ZFHX4: variants seen among roughly 807,000 people sequenced by gnomAD.
ZFHX4 encodes the protein zinc finger homeobox protein 4.
A neutral mutation model predicts 267.6 loss-of-function variants in ZFHX4; 56 were observed. The observed-to-expected ratio is 0.21, with a 90% CI of 0.17 to 0.26. The LOEUF is 0.26. Ranked by LOEUF, ZFHX4 falls within the 10% of genes least tolerant of loss-of-function variation. The pLI, the probability that ZFHX4 is intolerant of heterozygous loss-of-function variation, is 1.00. For missense variants in ZFHX4, 4,332 were observed against 4,420.0 expected (o/e 0.98, Z 0.56); for synonymous variants, 1,778 against 1,665.6 (o/e 1.07, Z -1.64).
Position 76,853,135 on chromosome 8 carries a change from T to A in ZFHX4, c.6214T>A (p.Ser2072Thr), listed in dbSNP as rs755841230. 1.6e-5 allele frequency: 24 copies of A among 1,505,092 alleles called. No individual in the cohort carries two copies. The highest frequency in any genetic ancestry group is 2.1e-5 in the Non-Finnish European group (23 of 1,121,792). The allele number at this position is 1,505,092 out of a possible 1,614,324, so 93.2% of individuals were successfully genotyped here. A position where few individuals can be genotyped will look rare whatever the true frequency, so the allele number is the denominator to read the frequency against. ...TCCTCCACAGGTCCAACTGCCGGTT[T>A]CTCTGGACCTGCCGCTCTTTCCTTC... ...SAPPQVQLPV[S>T]LDLPLFPSIM... Residue 2072 changes from serine (S) to threonine (T), a missense_variant, in exon 10 of 11, where the codon TCT becomes ACT. Around this residue, in one of 7 missense-constraint regions of ZFHX4, gnomAD observed 1,371 missense variants for 1,423.1 expected, o/e 0.96. Transcript: ENST00000651372.
At chr8:76,840,885 C>T (rs1296332081) in intron 5 of ZFHX4, among the ~76,000 whole-genome samples, 3 of 152,216 alleles carry the variant, frequency 2.0e-5, no homozygotes, top group East Asian at 1.9e-4. Context: ...AGCCACTTTA[C>T]CTACCAGCGT....
At chr8:76,825,662 G>A (rs1811765113) in intron 4 of ZFHX4, among the ~76,000 whole-genome samples, 1 of 152,230 alleles carries the variant, frequency 6.6e-6, no homozygotes, top group African/African-American at 2.4e-5. Flanking sequence ...ATTCTTCACA[G>A]CAAGAGTGAA....
Position 76,854,671 on chromosome 8 carries a change from G to T in ZFHX4, c.7750G>T (p.Asp2584Tyr). 1.9e-6 allele frequency: 3 copies of T among 1,613,626 alleles called. No individual in the cohort carries two copies. The highest frequency in any genetic ancestry group is 2.5e-6 in the Non-Finnish European group (3 of 1,179,844). Reference sequence around the variant, plus strand: ...TGCTTCCCTAAAAAGGAAACTAGACGATAAAGAAGATAATAATTGCAGTGA... The same window carrying T: ...TGCTTCCCTAAAAAGGAAACTAGACTATAAAGAAGATAATAATTGCAGTGA... The part of the protein sequence containing the change: ...VAASLKRKLD[D>Y]KEDNNCSEKE... The change falls in exon 10 of 11, where the codon GAT becomes TAT. Residue 2584 changes from aspartate (D) to tyrosine (Y), a missense_variant. By Grantham distance (160) the Asp-to-Tyr change is radical. Around this residue, in one of 7 missense-constraint regions of ZFHX4, gnomAD observed 1,648 missense variants for 1,625.0 expected, o/e 1.01. Coordinates refer to ENST00000651372, the MANE Select transcript of ZFHX4 (RefSeq NM_024721.5).
chr8:76,764,037 G>A (rs1029397115), intron 3 of ZFHX4, among the ~76,000 whole-genome samples: 5 of 152,124 alleles, frequency 3.3e-5, no homozygotes, highest in Non-Finnish European at 7.4e-5. Flanking sequence ...TCAACAAAAT[G>A]GAGGGAATAT....
At chr8:76,729,969 G>A (rs1808957191) in intron 3 of ZFHX4, among the ~76,000 whole-genome samples, 1 of 152,180 alleles carries the variant, frequency 6.6e-6, no homozygotes, top group Non-Finnish European at 1.5e-5. Flanking sequence ...GTATCAGAAA[G>A]AACTAGAGAT....
intron 5 of ZFHX4, among the ~76,000 whole-genome samples, chr8:76,841,365 C>T (rs547179431): frequency 5.3e-5 from 8 of 152,158 alleles, no homozygotes; most frequent in South Asian, 4.1e-4. Context: ...GCTGTCAGAA[C>T]GTTATTAATA....
chr8:76,715,163 A>T (rs1357839001), intron 3 of ZFHX4, among the ~76,000 whole-genome samples: 1 of 152,164 alleles, frequency 6.6e-6, no homozygotes, highest in Non-Finnish European at 1.5e-5. Flanking sequence ...GTTGCTACTA[A>T]TGCATCTCCT....
intron 4 of ZFHX4, among the ~76,000 whole-genome samples, chr8:76,815,859 T>C (rs973767503): frequency 2.0e-5 from 3 of 152,152 alleles, no homozygotes; most frequent in Non-Finnish European, 4.4e-5. Flanking sequence ...TACCATTACC[T>C]TGGGGGCTAG....
Position 76,681,494 on chromosome 8 carries a change from A to AT in ZFHX4, c.-167dup, listed in dbSNP as rs1238784106. ...TTTCACCCAATAAAGTTCGAGGATT[A>AT]TTTTTTATTTTTTTTGTTTTTTTAA... On this transcript the variant is annotated 5_prime_UTR_variant, in exon 1 of 11. Transcript: ENST00000651372. 3.5e-5 allele frequency: 14 copies of AT among 397,584 alleles called. No individual in the cohort carries two copies. The highest frequency in any genetic ancestry group is 1.8e-4 in the East Asian group (5 of 27,998). 24.6% of individuals were successfully genotyped at this position (397,584 alleles called of 1,614,324 possible).
chr8:76,763,742 A>C (rs1401034307), intron 3 of ZFHX4, among the ~76,000 whole-genome samples: 2 of 152,210 alleles, frequency 1.3e-5, no homozygotes, highest in Non-Finnish European at 2.9e-5. Flanking sequence ...GGAAAAAAGT[A>C]AAAAGAAAAA....
intron 4 of ZFHX4, among the ~76,000 whole-genome samples, chr8:76,781,055 A>T (rs755292884): frequency 1.3e-5 from 2 of 152,026 alleles, no homozygotes; most frequent in Non-Finnish European, 2.9e-5. Flanking sequence ...CAATAATGTG[A>T]GTATTTGCTA....
chr8:76,775,992 G>A (rs867033580), intron 3 of ZFHX4, among the ~76,000 whole-genome samples: 2 of 151,700 alleles, frequency 1.3e-5, no homozygotes, highest in African/African-American at 2.4e-5. Context: ...TTAACACAGC[G>A]GAGTGACAAG....
At chr8:76,729,774 T>C (rs1808949704) in intron 3 of ZFHX4, among the ~76,000 whole-genome samples, 1 of 152,162 alleles carries the variant, frequency 6.6e-6, no homozygotes, top group Non-Finnish European at 1.5e-5. Context: ...CCAAAAGACA[T>C]ATAACAGATT....
At chr8:76,796,198 G>GA (rs11436118) in intron 4 of ZFHX4, among the ~76,000 whole-genome samples, 9,383 of 152,058 alleles carry the variant, frequency 0.062, 591 homozygotes, top group African/African-American at 0.16. Flanking sequence ...AAATGATTTT[G>GA]AAAATAGAAA....
At chr8:76,790,138 T>C (rs1810796258) in intron 4 of ZFHX4, among the ~76,000 whole-genome samples, 1 of 152,164 alleles carries the variant, frequency 6.6e-6, no homozygotes, top group Non-Finnish European at 1.5e-5. Flanking sequence ...TTATGTATAA[T>C]TAAGTGGTTG....
chr8:76,845,039 C>T (rs745913877), intron 6 of ZFHX4, among the ~76,000 whole-genome samples: 2 of 152,092 alleles, frequency 1.3e-5, no homozygotes, highest in Non-Finnish European at 2.9e-5. Context: ...TCACTATCTT[C>T]ATACGTTAGA....
At chr8:76,809,061 A>G (rs145426846) in intron 4 of ZFHX4, among the ~76,000 whole-genome samples, 3 of 152,198 alleles carry the variant, frequency 2.0e-5, no homozygotes, top group Admixed American at 2.0e-4. Flanking sequence ...CAAAGATTTG[A>G]ATGAAAAGAC....
intron 3 of ZFHX4, among the ~76,000 whole-genome samples, chr8:76,717,486 C>T (rs1808607834): frequency 1.3e-5 from 2 of 152,208 alleles, no homozygotes; most frequent in Admixed American, 1.3e-4. Context: ...AAAGAATGTT[C>T]ATTTACTGGA....
chr8:76,834,587 A>G (rs1563548597), intron 5 of ZFHX4, among the ~76,000 whole-genome samples: 2 of 151,862 alleles, frequency 1.3e-5, no homozygotes, highest in Non-Finnish European at 2.9e-5. Flanking sequence ...CCAATTTTTT[A>G]ATTGAATTGT....
Sources: allele counts gnomAD v4.1 joint callset (sites outside exome capture counted in the v4.1 genomes callset), GRCh38; gene constraint gnomAD v4.1.1; regional missense constraint gnomAD v4.1.1; transcripts MANE v1.5; gene names NCBI Gene and HGNC (gene_info 2026-07-23, HGNC 2026-07-21).